NRXN3: variants seen among roughly 807,000 people sequenced by gnomAD.
NRXN3 encodes neurexin III.
In NRXN3, 32 loss-of-function variants were observed where a neutral mutation model predicts 137.6. The ratio of observed to expected loss-of-function variants is 0.23; its 90% CI spans 0.18 to 0.31. NRXN3 has a LOEUF of 0.31. Among genes scored for constraint, NRXN3 ranks in the 10% least tolerant of loss-of-function variants. The pLI, the probability that NRXN3 is intolerant of heterozygous loss-of-function variation, is 1.00. For missense variants in NRXN3, 1,574 were observed against 2,062.5 expected (o/e 0.76, Z 4.59); for synonymous variants, 798 against 784.5 (o/e 1.02, Z -0.29).
intron 15 of NRXN3, among the ~76,000 whole-genome samples, chr14:79,068,769 A>G (rs996755776): frequency 6.6e-6 from 1 of 152,110 alleles, no homozygotes; most frequent in South Asian, 2.1e-4. Flanking sequence ...AATAATATTC[A>G]GTGAATACGT....
chr14:78,999,668 T>C (rs1014516385), intron 15 of NRXN3, among the ~76,000 whole-genome samples: 1 of 152,196 alleles, frequency 6.6e-6, no homozygotes, highest in African/African-American at 2.4e-5. Context: ...GCCCTTCTCC[T>C]TTCTCAAAGA....
intron 1 of NRXN3, among the ~76,000 whole-genome samples, chr14:78,210,295 A>G (rs1429619847): frequency 6.6e-6 from 1 of 152,168 alleles, no homozygotes; most frequent in Non-Finnish European, 1.5e-5. Context: ...AGAAGGGATA[A>G]ATAAGCTTCC....
At chr14:79,486,913 T>TCTC (rs2096660635) in intron 16 of NRXN3, among the ~76,000 whole-genome samples, 1 of 128,478 alleles carries the variant, frequency 7.8e-6, no homozygotes, top group East Asian at 2.8e-4. Flanking sequence ...TCTTTACAGG[T>TCTC]TCTCTCTCTC....
At chr14:79,182,118 A>T (rs150137867) in intron 15 of NRXN3, among the ~76,000 whole-genome samples, 1 of 152,034 alleles carries the variant, frequency 6.6e-6, no homozygotes, top group East Asian at 1.9e-4. Context: ...TGTTTAATTT[A>T]TTTTATGTCC....
intron 15 of NRXN3, among the ~76,000 whole-genome samples, chr14:79,316,972 T>C (rs967540083): frequency 1.3e-5 from 2 of 152,248 alleles, no homozygotes; most frequent in African/African-American, 2.4e-5. Context: ...GGCTCACACC[T>C]GTAATCCCAG....
chr14:78,476,477 C>A (rs2095380236), intron 4 of NRXN3, among the ~76,000 whole-genome samples: 1 of 152,080 alleles, frequency 6.6e-6, no homozygotes, highest in South Asian at 2.1e-4. Context: ...AATAGAAAGG[C>A]CAGTAAAGCT....
At chr14:79,068,184 A>AT (rs2099683153) in intron 15 of NRXN3, among the ~76,000 whole-genome samples, 1 of 152,074 alleles carries the variant, frequency 6.6e-6, no homozygotes, top group Non-Finnish European at 1.5e-5. Context: ...AGAGGCAGGT[A>AT]TTTCATTGTA....
chr14:78,568,648 C>A (rs1189916570), intron 4 of NRXN3, among the ~76,000 whole-genome samples: 2 of 152,208 alleles, frequency 1.3e-5, no homozygotes, highest in African/African-American at 4.8e-5. Flanking sequence ...GATTTGGCAT[C>A]ATCTTACAAG....
intron 15 of NRXN3, among the ~76,000 whole-genome samples, chr14:79,229,210 A>G (rs1464228852): frequency 6.6e-6 from 1 of 152,166 alleles, no homozygotes. Flanking sequence ...CTAAAATAGT[A>G]TGTTCTCTAT....
chr14:79,012,309 A>G (rs2099572617), intron 15 of NRXN3, among the ~76,000 whole-genome samples: 1 of 152,180 alleles, frequency 6.6e-6, no homozygotes, highest in African/African-American at 2.4e-5. Context: ...TTAAGTGGAC[A>G]TTTAAGATGG....
At chr14:79,483,720 G>A (rs1312658739) in intron 16 of NRXN3, among the ~76,000 whole-genome samples, 2 of 152,098 alleles carry the variant, frequency 1.3e-5, no homozygotes, top group Non-Finnish European at 2.9e-5. Flanking sequence ...CAGATGCCAA[G>A]ATCACAGGGT....
At chr14:78,877,496 A>G (rs2099116669) in intron 10 of NRXN3, among the ~76,000 whole-genome samples, 1 of 152,126 alleles carries the variant, frequency 6.6e-6, no homozygotes, top group African/African-American at 2.4e-5. Flanking sequence ...TGCCTTGTAG[A>G]GCAGTGATTT....
intron 10 of NRXN3, among the ~76,000 whole-genome samples, chr14:78,906,756 A>T (rs2099218188): frequency 6.6e-6 from 1 of 151,906 alleles, no homozygotes. Context: ...CTTCTTTCAT[A>T]CTTGCTTTTC....
chr14:78,770,852 G>C (rs980028115), intron 8 of NRXN3, among the ~76,000 whole-genome samples: 1 of 148,722 alleles, frequency 6.7e-6, no homozygotes, highest in East Asian at 2.1e-4. Flanking sequence ...TTTGGGGTTG[G>C]GGGGGGTACA....
intron 17 of NRXN3, among the ~76,000 whole-genome samples, chr14:79,665,555 A>G (rs1461581627): frequency 6.6e-6 from 1 of 152,110 alleles, no homozygotes; most frequent in East Asian, 1.9e-4. Flanking sequence ...TCATAGGCTC[A>G]TAGAAAAAAA....
chr14:79,228,789 A>C (rs2071564582), intron 15 of NRXN3, among the ~76,000 whole-genome samples: 1 of 152,072 alleles, frequency 6.6e-6, no homozygotes, highest in South Asian at 2.1e-4. Flanking sequence ...GTTCTTATAA[A>C]AAATTAGACA....
intron 6 of NRXN3, among the ~76,000 whole-genome samples, chr14:78,693,656 C>CGTGT (rs4016744): frequency 0.02 from 2,233 of 113,914 alleles, 37 homozygotes; most frequent in Middle Eastern, 0.029. Flanking sequence ...AGTTGATTTT[C>CGTGT]GTGTGTGTGT....
Position 79,862,457 on chromosome 14 carries a change from A to C in NRXN3, c.*493A>C, listed in dbSNP as rs1230519682. 6.6e-6 allele frequency: 1 copy of C among 152,458 alleles called. No individual in the cohort carries two copies. Among genetic ancestry groups the C allele is most frequent in the Admixed American group, 6.6e-5 (1 of 15,228 alleles). 9.4% of individuals were successfully genotyped at this position (152,458 alleles called of 1,614,324 possible). A position where few individuals can be genotyped will look rare whatever the true frequency, so the allele number is the denominator to read the frequency against. ...ACAACAAAAAAAGAAAAAAGTTAAA[A>C]AAGAAAAAAACACCAAAAAACAAAA... On this transcript the variant is annotated 3_prime_UTR_variant, in exon 21 of 21. Coordinates refer to ENST00000335750, the MANE Select transcript of NRXN3 (RefSeq NM_001330195.2).
chr14:79,517,131 C>G (rs983296771), intron 16 of NRXN3, among the ~76,000 whole-genome samples: 1 of 150,896 alleles, frequency 6.6e-6, no homozygotes, highest in South Asian at 2.1e-4. Context: ...TTCCCCACAC[C>G]TCACCAATAG....
Sources: allele counts gnomAD v4.1 joint callset (sites outside exome capture counted in the v4.1 genomes callset), GRCh38; gene constraint gnomAD v4.1.1; transcripts MANE v1.5; gene names NCBI Gene and HGNC (gene_info 2026-07-23, HGNC 2026-07-21).